The following SH3D19 variants were observed in gnomAD, a reference collection of about 807,000 sequenced individuals.
SH3D19 encodes SH3 domain-containing protein 19.
Under a neutral mutation model 112.1 loss-of-function variants are expected in SH3D19, and 58 were observed. The observed-to-expected ratio is 0.52, with a 90% CI of 0.42 to 0.64. The LOEUF (loss-of-function observed/expected upper bound fraction) is 0.64, where lower values mean the gene tolerates loss of function less well. SH3D19 is among the 30% of genes least tolerant of loss of function. The pLI is 0.00. For synonymous variants in SH3D19, 391 were observed against 448.5 expected (o/e 0.87, Z 1.62); for missense variants, 1,090 against 1,263.4 (o/e 0.86, Z 2.08).
intron 1 of SH3D19, among the ~76,000 whole-genome samples, chr4:151,296,039 A>AC (rs1466904609): frequency 6.6e-6 from 1 of 151,656 alleles, no homozygotes; most frequent in Non-Finnish European, 1.5e-5. Flanking sequence ...CGTCTCAAAA[A>AC]AAAAAAAAGA....
At chr4:151,297,002 A>G (rs9997353) in intron 1 of SH3D19, among the ~76,000 whole-genome samples, 72,051 of 152,072 alleles carry the variant, frequency 0.47, 17,437 homozygotes, top group Non-Finnish European at 0.52. Flanking sequence ...TTTCTTTTCA[A>G]ATGTTTCACT....
intron 2 of SH3D19, among the ~76,000 whole-genome samples, chr4:151,222,571 C>G (rs1768239302): frequency 6.6e-6 from 1 of 151,562 alleles, no homozygotes; most frequent in Non-Finnish European, 1.5e-5. Flanking sequence ...ATCCCCTCCC[C>G]AACCTTTTTT....
At chr4:151,296,014 G>A (rs532991294) in intron 1 of SH3D19, among the ~76,000 whole-genome samples, 2 of 135,474 alleles carry the variant, frequency 1.5e-5, no homozygotes, top group East Asian at 2.1e-4. Flanking sequence ...CCAGCCTGGC[G>A]ACAGAGCAAG....
At chr4:151,298,894 T>C (rs1396803741) in intron 1 of SH3D19, among the ~76,000 whole-genome samples, 1 of 152,166 alleles carries the variant, frequency 6.6e-6, no homozygotes, top group East Asian at 1.9e-4. Flanking sequence ...AAAACCCCTT[T>C]TCCACTTCTA....
At chr4:151,263,864 G>A (rs1772567044) in intron 1 of SH3D19, among the ~76,000 whole-genome samples, 1 of 152,118 alleles carries the variant, frequency 6.6e-6, no homozygotes, top group Non-Finnish European at 1.5e-5. Context: ...GGAGTGTGGT[G>A]GTATAAACAC....
At position 151,296,073 on chromosome 4, in the gene SH3D19, T is replaced by C. The variant is rs569660729; in HGVS notation, c.112+29168A>G. Reference sequence around the variant, plus strand: ...GAAAGAAAGAAAGAAAGAAAGAAAATCGTTTTTAAGAGTAATAGGGAAAAA... The same window carrying C: ...GAAAGAAAGAAAGAAAGAAAGAAAACCGTTTTTAAGAGTAATAGGGAAAAA... On this transcript the variant is annotated intron_variant, in intron 1 of 19. Coordinates refer to ENST00000604030, the MANE Select transcript of SH3D19 (RefSeq NM_001378122.1). Among the ~76,000 whole-genome samples the C allele has an allele frequency of 6.8e-5, 10 of 147,264 alleles. No individual in the cohort carries two copies. In the South Asian group the frequency reaches 1.7e-3, roughly 25 times the overall value.
intron 2 of SH3D19, among the ~76,000 whole-genome samples, chr4:151,215,261 G>T (rs1005481135): frequency 1.3e-5 from 2 of 152,104 alleles, no homozygotes; most frequent in Non-Finnish European, 2.9e-5. Context: ...AGTTTATAAG[G>T]CCTCTTCTAC....
chr4:151,323,574 T>C (rs1730758298), intron 1 of SH3D19, among the ~76,000 whole-genome samples: 2 of 152,200 alleles, frequency 1.3e-5, no homozygotes, highest in Non-Finnish European at 1.5e-5. Context: ...ACTCATTCCA[T>C]TACATCGTCC....
At chr4:151,293,939 T>C (rs1375498326) in intron 1 of SH3D19, among the ~76,000 whole-genome samples, 3 of 152,230 alleles carry the variant, frequency 2.0e-5, no homozygotes, top group African/African-American at 7.2e-5. Flanking sequence ...TAGTTAATTC[T>C]TACTGTGCCT....
At chr4:151,184,653 A>T (rs982906903) in intron 3 of SH3D19, among the ~76,000 whole-genome samples, 18 of 151,982 alleles carry the variant, frequency 1.2e-4, no homozygotes, top group Middle Eastern at 3.4e-3. Flanking sequence ...TGATCCCTCC[A>T]CTGATTGCTT....
At chr4:151,236,218 G>A (rs1770026991) in intron 1 of SH3D19, among the ~76,000 whole-genome samples, 1 of 152,276 alleles carries the variant, frequency 6.6e-6, no homozygotes, top group Non-Finnish European at 1.5e-5. Context: ...GCCAGAGCCG[G>A]CTCCCTCAGC....
intron 1 of SH3D19, among the ~76,000 whole-genome samples, chr4:151,243,238 A>G (rs949225020): frequency 6.6e-6 from 1 of 152,246 alleles, no homozygotes; most frequent in Non-Finnish European, 1.5e-5. Flanking sequence ...CTTCCTAAGT[A>G]ATCTGTGTCC....
chr4:151,207,167 G>A (rs1416937519), intron 2 of SH3D19, among the ~76,000 whole-genome samples: 1 of 152,148 alleles, frequency 6.6e-6, no homozygotes, highest in Admixed American at 6.5e-5. Flanking sequence ...GCAGTTCTCA[G>A]GGATGCATGA....
rs1775793173 is a variant in SH3D19, at chr4:151,297,585, T to C, written c.112+27656A>G. The stretch of plus-strand genomic sequence containing the variant: ...TGGATGTAATTTAATGAATTGGATG[T>C]AGATGGTAGAAGGAAAAAATAAAGA... On this transcript the variant is annotated intron_variant, in intron 1 of 19. Transcript: ENST00000604030. 2.0e-5 allele frequency among the ~76,000 whole-genome samples: 3 copies of C among 152,222 alleles called. No individual in the cohort carries two copies. In the South Asian group the frequency reaches 6.2e-4, roughly 32 times the overall value.
At chr4:151,156,019 T>C (rs1756039536) in intron 9 of SH3D19, among the ~76,000 whole-genome samples, 1 of 152,128 alleles carries the variant, frequency 6.6e-6, no homozygotes, top group Non-Finnish European at 1.5e-5. Flanking sequence ...AACATTTCTA[T>C]ACATGACAAA....
At chr4:151,153,365 G>C (rs1011253987) in intron 9 of SH3D19, among the ~76,000 whole-genome samples, 10 of 152,082 alleles carry the variant, frequency 6.6e-5, no homozygotes, top group Non-Finnish European at 1.3e-4. Flanking sequence ...TCCTGCGTCA[G>C]CCTCCCAAGT....
intron 2 of SH3D19, among the ~76,000 whole-genome samples, chr4:151,209,085 T>C (rs958232257): frequency 6.6e-6 from 1 of 152,020 alleles, no homozygotes; most frequent in Non-Finnish European, 1.5e-5. Context: ...GGTACTTTAA[T>C]TAGCTCCATT....
intron 2 of SH3D19, among the ~76,000 whole-genome samples, chr4:151,194,668 A>C (rs960596794): frequency 6.1e-5 from 9 of 147,440 alleles, no homozygotes; most frequent in African/African-American, 2.0e-4. Context: ...TGCCTACCTC[A>C]GCCTCCCAAA....
chr4:151,250,941 CAA>C (rs1276595477), intron 1 of SH3D19, among the ~76,000 whole-genome samples: 3 of 152,192 alleles, frequency 2.0e-5, no homozygotes, highest in African/African-American at 7.2e-5. Context: ...ATTCCAGTCT[CAA>C]GTTTCACGGG....
Sources: allele counts gnomAD v4.1 joint callset (sites outside exome capture counted in the v4.1 genomes callset), GRCh38; gene constraint gnomAD v4.1.1; transcripts MANE v1.5; gene names NCBI Gene and HGNC (gene_info 2026-07-23, HGNC 2026-07-21).